Variants in ASIC2 observed in about 807,000 individuals in gnomAD.
ASIC2 encodes acid-sensing ion channel 2.
ASIC2 carries 25 observed loss-of-function variants against 57.3 expected under a neutral mutation model. That is an observed-to-expected ratio of 0.44 (90% CI 0.32 to 0.61). The LOEUF (loss-of-function observed/expected upper bound fraction) is 0.61. Ranked by LOEUF, ASIC2 falls within the 20% of genes least tolerant of loss-of-function variation. The probability of loss-of-function intolerance (pLI) is 0.06; values close to 1 mark genes in which losing one functional copy is unlikely to be tolerated. For synonymous variants in ASIC2, 319 were observed against 307.5 expected, an observed-to-expected ratio of 1.04 and a Z score of -0.39; for missense variants, 641 against 738.1, an observed-to-expected ratio of 0.87 and a Z score of 1.52.
chr17:33,654,555 G>A (rs1350768392), intron 1 of ASIC2, among the ~76,000 whole-genome samples: 1 of 152,222 alleles, frequency 6.6e-6, no homozygotes, highest in Admixed American at 6.5e-5. Context: ...GTCAGATGAT[G>A]AGATAGGCCT....
At chr17:34,109,986 G>A (rs1212229009) in intron 1 of ASIC2, among the ~76,000 whole-genome samples, 1 of 151,942 alleles carries the variant, frequency 6.6e-6, no homozygotes, top group East Asian at 1.9e-4. Flanking sequence ...GAGATGAGAT[G>A]AGATGAGATG....
chr17:33,094,336 G>C (rs536931678), intron 2 of ASIC2, among the ~76,000 whole-genome samples: 31 of 152,258 alleles, frequency 2.0e-4, no homozygotes, highest in Non-Finnish European at 3.5e-4. Context: ...GCTGGAGGGA[G>C]AGCTCTTCAT....
chr17:33,949,922 A>T (rs1438817662), intron 1 of ASIC2, among the ~76,000 whole-genome samples: 1 of 152,216 alleles, frequency 6.6e-6, no homozygotes, highest in Non-Finnish European at 1.5e-5. Flanking sequence ...GAGCCTAGAG[A>T]TGTACCTCCA....
chr17:33,725,990 A>T (rs191315489), intron 1 of ASIC2, among the ~76,000 whole-genome samples: 1 of 152,344 alleles, frequency 6.6e-6, no homozygotes, highest in East Asian at 1.9e-4. Flanking sequence ...GTGTGATGCC[A>T]GGAGACTGTG....
At chr17:34,133,690 A>T (rs1912056153) in intron 1 of ASIC2, among the ~76,000 whole-genome samples, 1 of 151,722 alleles carries the variant, frequency 6.6e-6, no homozygotes, top group African/African-American at 2.4e-5. Context: ...TGTGTCTGCT[A>T]AGGGCCACCT....
intron 1 of ASIC2, among the ~76,000 whole-genome samples, chr17:33,510,904 C>G (rs1235262061): frequency 1.3e-5 from 2 of 152,204 alleles, no homozygotes; most frequent in African/African-American, 4.8e-5. Context: ...GACAGAGACC[C>G]AGCTCCTCCT....
intron 1 of ASIC2, among the ~76,000 whole-genome samples, chr17:33,211,270 T>C (rs1907257507): frequency 1.3e-5 from 2 of 152,110 alleles, no homozygotes; most frequent in South Asian, 4.1e-4. Flanking sequence ...CCAGCTTGCA[T>C]AAGCTCAGGT....
chr17:33,342,248 T>C (rs1907749818), intron 1 of ASIC2, among the ~76,000 whole-genome samples: 1 of 152,170 alleles, frequency 6.6e-6, no homozygotes, highest in African/African-American at 2.4e-5. Context: ...CAGCCACTTG[T>C]GAAATCCTTA....
chr17:33,966,665 C>A (rs1459255980), intron 1 of ASIC2, among the ~76,000 whole-genome samples: 3 of 152,096 alleles, frequency 2.0e-5, no homozygotes, highest in Admixed American at 2.0e-4. Context: ...GACACTGTAC[C>A]CATTTTACAG....
chr17:34,053,032 G>GGGAT (rs1363300980), intron 1 of ASIC2, among the ~76,000 whole-genome samples: 1 of 152,036 alleles, frequency 6.6e-6, no homozygotes, highest in Non-Finnish European at 1.5e-5. Context: ...TAGGCTTGGA[G>GGGAT]GGATAAAATC....
At chr17:33,429,576 G>A (rs1911337967) in intron 1 of ASIC2, among the ~76,000 whole-genome samples, 1 of 152,036 alleles carries the variant, frequency 6.6e-6, no homozygotes, top group African/African-American at 2.4e-5. Context: ...ATTTTTAGTA[G>A]AGACGGGGTT....
At chr17:34,002,198 T>A (rs960878601) in intron 1 of ASIC2, 4 of 152,380 alleles carry the variant, frequency 2.6e-5, no homozygotes, top group African/African-American at 9.6e-5. Context: ...AAACCACATT[T>A]CTGCTTTTCC....
At chr17:33,534,919 C>A (rs1915176472) in intron 1 of ASIC2, among the ~76,000 whole-genome samples, 1 of 152,242 alleles carries the variant, frequency 6.6e-6, no homozygotes, top group Admixed American at 6.5e-5. Flanking sequence ...ACAAATAATA[C>A]TCCTGGTTCA....
chr17:33,645,019 AC>A (rs1906696825), intron 1 of ASIC2, among the ~76,000 whole-genome samples: 1 of 152,244 alleles, frequency 6.6e-6, no homozygotes, highest in African/African-American at 2.4e-5. Context: ...ATGATTAGCC[AC>A]GTGAAACATT....
chr17:33,202,823 A>G (rs767801814), intron 1 of ASIC2, among the ~76,000 whole-genome samples: 12 of 151,968 alleles, frequency 7.9e-5, no homozygotes, highest in South Asian at 6.2e-4. Flanking sequence ...GGTGACCTTC[A>G]TTGGCCTCTC....
intron 1 of ASIC2, among the ~76,000 whole-genome samples, chr17:33,726,515 C>G (rs903422220): frequency 5.9e-5 from 9 of 152,222 alleles, no homozygotes; most frequent in African/African-American, 2.2e-4. Context: ...CACCACAAGG[C>G]AGCCTGCACC....
At chr17:33,409,163 C>T (rs111786365) in intron 1 of ASIC2, among the ~76,000 whole-genome samples, 2 of 152,096 alleles carry the variant, frequency 1.3e-5, no homozygotes, top group African/African-American at 2.4e-5. Flanking sequence ...TGTAGTGAGC[C>T]GAAATCATGC....
intron 1 of ASIC2, among the ~76,000 whole-genome samples, chr17:33,397,219 A>G (rs1034157322): frequency 6.6e-6 from 1 of 152,202 alleles, no homozygotes; most frequent in Non-Finnish European, 1.5e-5. Context: ...GGGGACTCCC[A>G]ACCCTAAAGA....
intron 1 of ASIC2, among the ~76,000 whole-genome samples, chr17:34,077,535 G>A (rs144200274): frequency 3.0e-4 from 45 of 152,280 alleles, no homozygotes; most frequent in Admixed American, 7.8e-4. Context: ...TCCTGGAAAC[G>A]GTTACCATGG....
Sources: gnomAD v4.1 joint callset for allele counts (sites outside exome capture counted in the v4.1 genomes callset) on GRCh38, gnomAD v4.1.1 for gene constraint, MANE v1.5 for transcripts, NCBI Gene and HGNC (gene_info 2026-07-23, HGNC 2026-07-21) for gene names.